The following PIK3C2G variants were observed in gnomAD, a reference collection of about 807,000 sequenced individuals.
PIK3C2G encodes phosphatidylinositol-4-phosphate 3-kinase catalytic subunit type 2 gamma.
Under a neutral mutation model 181.1 loss-of-function variants are expected in PIK3C2G, and 168 were observed. The ratio of observed to expected loss-of-function variants is 0.93; its 90% confidence interval spans 0.82 to 1.05. The LOEUF is 1.05. PIK3C2G is among the 50% of genes least tolerant of loss of function. The probability of loss-of-function intolerance (pLI) is 0.00; values close to 1 mark genes in which losing one functional copy is unlikely to be tolerated. For synonymous variants in PIK3C2G, 573 were observed against 592.2 expected (o/e 0.97, Z 0.47); for missense variants, 1,869 against 1,732.8 (o/e 1.08, Z -1.40).
chr12:18,282,806 A>ATAT, intron 2 of PIK3C2G, 47 bp downstream of exon 2: 3 of 1,233,224 alleles, frequency 2.4e-6, no homozygotes, highest in Non-Finnish European at 2.3e-6. Flanking sequence ...TGAAAGAATC[A>ATAT]TTCAATAATG....
chr12:18,517,542 T>C (rs888072509), intron 24 of PIK3C2G, among the ~76,000 whole-genome samples: 1 of 152,178 alleles, frequency 6.6e-6, no homozygotes, highest in Admixed American at 6.6e-5. Context: ...TTGTCTATTG[T>C]TGAAGTATAG....
intron 31 of PIK3C2G, among the ~76,000 whole-genome samples, chr12:18,629,042 A>G (rs527277575): frequency 3.3e-5 from 5 of 152,370 alleles, no homozygotes; most frequent in African/African-American, 1.2e-4. Context: ...CATATATTTG[A>G]CAAAATAATA....
intron 13 of PIK3C2G, among the ~76,000 whole-genome samples, chr12:18,377,840 A>G (rs1023968375): frequency 6.6e-6 from 1 of 152,182 alleles, no homozygotes; most frequent in African/African-American, 2.4e-5. Context: ...ACATATATAT[A>G]TGGCTTTAAG....
intron 11 of PIK3C2G, among the ~76,000 whole-genome samples, chr12:18,350,728 C>T (rs1940141909): frequency 6.6e-6 from 1 of 152,090 alleles, no homozygotes; most frequent in South Asian, 2.1e-4. Context: ...CAAATATTGG[C>T]ATAAAGACCA....
At chr12:18,607,765 CT>C in intron 30 of PIK3C2G, among the ~76,000 whole-genome samples, 1 of 152,122 alleles carries the variant, frequency 6.6e-6, no homozygotes, top group South Asian at 2.1e-4. Context: ...AACAGGCAAC[CT>C]ACAGAATGGG....
intron 18 of PIK3C2G, among the ~76,000 whole-genome samples, chr12:18,480,033 A>G (rs1004022226): frequency 2.0e-5 from 3 of 152,234 alleles, no homozygotes; most frequent in East Asian, 1.9e-4. Context: ...CACAGAAGAG[A>G]GCAGAACAAG....
chr12:18,645,564 G>C (rs540224444), intron 32 of PIK3C2G, among the ~76,000 whole-genome samples: 25 of 152,256 alleles, frequency 1.6e-4, no homozygotes, highest in Non-Finnish European at 2.9e-5. Context: ...CTGTCTGGAA[G>C]GGTTTTCTCC....
At chr12:18,697,312 A>C in the PIK3C2G span, among the ~76,000 whole-genome samples, 1 of 152,154 alleles carries the variant, frequency 6.6e-6, no homozygotes, top group Non-Finnish European at 1.5e-5. Context: ...ATTTATTTTC[A>C]AAAGTTACAC....
chr12:18,404,120 G>T lies in PIK3C2G; in HGVS notation c.2315+4273G>T, dbSNP rs1200169910. The stretch of plus-strand genomic sequence containing the variant: ...ACAGTGCCTTAGCTTCCAAAATTAG[G>T]TTCCTTGGAAAAATATTTCCAAAAT... On this transcript the variant is annotated intron_variant, in intron 16 of 32. Transcript: ENST00000538779. 2.0e-5 allele frequency among the ~76,000 whole-genome samples: 3 copies of T among 151,984 alleles called. No homozygotes were observed. The East Asian group carries it at 5.8e-4, about 29-fold the overall frequency.
At chr12:18,709,007 T>G in the PIK3C2G span, among the ~76,000 whole-genome samples, 2 of 152,218 alleles carry the variant, frequency 1.3e-5, no homozygotes, top group Non-Finnish European at 1.5e-5. Flanking sequence ...GTGCAAAAGC[T>G]TATTAGTTTG....
intron 31 of PIK3C2G, among the ~76,000 whole-genome samples, chr12:18,628,528 T>C (rs1159562738): frequency 1.3e-5 from 2 of 152,228 alleles, no homozygotes; most frequent in African/African-American, 2.4e-5. Context: ...GATTGGTATA[T>C]TTAATTATTC....
chr12:18,553,104 A>G (rs1944819741), intron 26 of PIK3C2G, among the ~76,000 whole-genome samples: 1 of 152,106 alleles, frequency 6.6e-6, no homozygotes, highest in Non-Finnish European at 1.5e-5. Context: ...TTCTGACCCT[A>G]CGCATTGCAT....
At chr12:18,331,352 C>T (rs982218341) in intron 8 of PIK3C2G, among the ~76,000 whole-genome samples, 4 of 152,104 alleles carry the variant, frequency 2.6e-5, no homozygotes, top group African/African-American at 9.7e-5. Flanking sequence ...TCTTAAATCA[C>T]TCAGCAATGC....
At chr12:18,389,500 T>C (rs973960081) in intron 14 of PIK3C2G, among the ~76,000 whole-genome samples, 4 of 152,222 alleles carry the variant, frequency 2.6e-5, no homozygotes, top group African/African-American at 9.7e-5. Context: ...TTATTCCCTA[T>C]TTTAATTGTT....
chr12:18,345,030 G>T (rs1939532805), intron 10 of PIK3C2G, among the ~76,000 whole-genome samples: 1 of 152,120 alleles, frequency 6.6e-6, no homozygotes, highest in Admixed American at 6.6e-5. Context: ...CAAAATATAC[G>T]CTAAAGCTTA....
intron 18 of PIK3C2G, among the ~76,000 whole-genome samples, chr12:18,454,036 CAG>C (rs1338289010): frequency 1.3e-5 from 2 of 152,106 alleles, no homozygotes; most frequent in South Asian, 2.1e-4. Context: ...CTTTTCAAAA[CAG>C]AGTTTTTCTA....
rs138718828 is a variant in PIK3C2G, at chr12:18,309,758, T to A, written c.1035-4204T>A. 1.5e-3 allele frequency among the ~76,000 whole-genome samples: 234 copies of A among 151,994 alleles called. 1 individual carries two copies. The highest frequency in any genetic ancestry group is 5.4e-3 in the African/African-American group (224 of 41,566). On this transcript the variant is annotated intron_variant, in intron 5 of 32. Transcript: ENST00000538779. ...TTTTTAAGTGACACTGATTTTTATT[T>A]CCTACAAGTGCATGTACACCCTGGA...
the PIK3C2G span, chr12:18,695,162 A>G: frequency 7.7e-7 from 1 of 1,296,856 alleles, no homozygotes; most frequent in South Asian, 1.2e-5. Context: ...AAATCTAATA[A>G]TGGATTCTAT....
chr12:18,490,126 A>C (rs1209562102), intron 19 of PIK3C2G, among the ~76,000 whole-genome samples: 1 of 152,164 alleles, frequency 6.6e-6, no homozygotes, highest in Non-Finnish European at 1.5e-5. Flanking sequence ...CTGGGAAGAT[A>C]CTTTACTTAA....
Sources: gnomAD v4.1 joint callset for allele counts (sites outside exome capture counted in the v4.1 genomes callset) on GRCh38, gnomAD v4.1.1 for gene constraint, MANE v1.5 for transcripts, NCBI Gene and HGNC (gene_info 2026-07-23, HGNC 2026-07-21) for gene names.